PLD1: variants seen among roughly 807,000 people sequenced by gnomAD.
PLD1 encodes phospholipase D1, also known as choline phosphatase 1.
PLD1 carries 112 observed loss-of-function variants against 137.1 expected under a neutral mutation model. The observed-to-expected ratio is 0.82, with a 90% CI of 0.70 to 0.96. The LOEUF is 0.96. PLD1 is among the 40% of genes least tolerant of loss of function. The probability of loss-of-function intolerance (pLI) is 0.00; values close to 1 mark genes in which losing one functional copy is unlikely to be tolerated. For synonymous variants in PLD1, 431 were observed against 454.7 expected, an observed-to-expected ratio of 0.95 and a Z score of 0.66; for missense variants, 1,321 against 1,342.0, an observed-to-expected ratio of 0.98 and a Z score of 0.24.
At chr3:171,751,692 A>G (rs917526830) in intron 1 of PLD1, among the ~76,000 whole-genome samples, 2 of 152,254 alleles carry the variant, frequency 1.3e-5, no homozygotes, top group Non-Finnish European at 2.9e-5. Context: ...CTGTGAATTA[A>G]AATAACCTTT....
At chr3:171,649,871 TG>T (rs1211827811) in intron 21 of PLD1, among the ~76,000 whole-genome samples, 1 of 152,204 alleles carries the variant, frequency 6.6e-6, no homozygotes, top group East Asian at 1.9e-4. Flanking sequence ...AGCCAGTCAA[TG>T]GAATGATCAC....
chr3:171,755,723 C>A (rs1050927424), intron 1 of PLD1, among the ~76,000 whole-genome samples: 1 of 152,140 alleles, frequency 6.6e-6, no homozygotes, highest in African/African-American at 2.4e-5. Context: ...TGGGAGCTCC[C>A]TGAAGAGAGA....
At chr3:171,702,348 C>T (rs921308788) in intron 11 of PLD1, among the ~76,000 whole-genome samples, 1 of 152,026 alleles carries the variant, frequency 6.6e-6, no homozygotes, top group Non-Finnish European at 1.5e-5. Context: ...ATTAGCCAGA[C>T]ATGGTGGCTC....
At chr3:171,624,662 G>C (rs1308633046) in intron 23 of PLD1, among the ~76,000 whole-genome samples, 1 of 152,110 alleles carries the variant, frequency 6.6e-6, no homozygotes, top group Non-Finnish European at 1.5e-5. Context: ...ATAACACAGT[G>C]ATTGAATAAA....
chr3:171,785,120 C>G (rs1722954903), intron 1 of PLD1, among the ~76,000 whole-genome samples: 1 of 152,128 alleles, frequency 6.6e-6, no homozygotes, highest in Non-Finnish European at 1.5e-5. Flanking sequence ...GCCAAAGTAT[C>G]CTTTGAAATG....
At chr3:171,708,304 TGA>T (rs1716858346) in intron 11 of PLD1, among the ~76,000 whole-genome samples, 5 of 152,200 alleles carry the variant, frequency 3.3e-5, no homozygotes, top group African/African-American at 1.2e-4. Flanking sequence ...CTAGAACAGC[TGA>T]CCAGGCCTAG....
intron 23 of PLD1, among the ~76,000 whole-genome samples, chr3:171,630,773 C>T (rs1734590437): frequency 6.8e-6 from 1 of 146,724 alleles, no homozygotes; most frequent in South Asian, 2.1e-4. Context: ...AACAAAAAAC[C>T]AAACACCACA....
chr3:171,627,251 A>C (rs1734203457), intron 23 of PLD1, among the ~76,000 whole-genome samples: 1 of 152,198 alleles, frequency 6.6e-6, no homozygotes, highest in Non-Finnish European at 1.5e-5. Context: ...CAAAGATCAA[A>C]AGAGACAAAG....
chr3:171,712,391 C>G (rs114409681), intron 9 of PLD1, among the ~76,000 whole-genome samples: 1 of 152,148 alleles, frequency 6.6e-6, no homozygotes, highest in Admixed American at 6.5e-5. Flanking sequence ...CTCGGAAAAA[C>G]AGTTATGAGA....
intron 16 of PLD1, among the ~76,000 whole-genome samples, chr3:171,679,841 A>G (rs1207387089): frequency 6.6e-6 from 1 of 152,240 alleles, no homozygotes; most frequent in African/African-American, 2.4e-5. Flanking sequence ...AGTTCCTGTG[A>G]AAACAGTAGC....
intron 20 of PLD1, among the ~76,000 whole-genome samples, chr3:171,659,883 C>G (rs1737524914): frequency 6.6e-6 from 1 of 152,084 alleles, no homozygotes. Context: ...ATATATAAGC[C>G]AGTTAATAAA....
chr3:171,756,934 A>AT (rs773454680), intron 1 of PLD1, among the ~76,000 whole-genome samples: 170 of 152,314 alleles, frequency 1.1e-3, no homozygotes, highest in Non-Finnish European at 1.7e-3. Flanking sequence ...CCCAATAAAG[A>AT]TTTTTTTAAA....
intron 11 of PLD1, 43 bp from the exon 12 acceptor site, chr3:171,699,869 A>G (rs370551611): frequency 1.3e-6 from 2 of 1,487,446 alleles, no homozygotes; most frequent in Non-Finnish European, 1.9e-6. Context: ...AAAACAAAAT[A>G]TAAAGTTCTG....
chr3:171,627,266 C>T (rs1344188880), intron 23 of PLD1, among the ~76,000 whole-genome samples: 1 of 151,942 alleles, frequency 6.6e-6, no homozygotes, highest in East Asian at 1.9e-4. Flanking sequence ...ACAAAGAAGG[C>T]CATTACATAA....
At chr3:171,639,552 CATATAATATATATTAT>C (rs1410817517) in intron 23 of PLD1, among the ~76,000 whole-genome samples, 10,647 of 84,204 alleles carry the variant, frequency 0.13, 875 homozygotes, top group African/African-American at 0.16. Flanking sequence ...AATATATATT[CATATAATATATATTAT>C]ATATAATATA....
At position 171,715,371 on chromosome 3, in the gene PLD1, T is replaced by C. The variant is rs564453025; in HGVS notation, c.759-1326A>G. Among the ~76,000 whole-genome samples, 6 of 152,350 alleles carry C rather than the reference T, an allele frequency of 3.9e-5. No individual in the cohort carries two copies. The South Asian group carries it at 1.2e-3, about 32-fold the overall frequency. ...TGGTTACTATAGCTTTGTAATATAT[T>C]TTGAAGTCAGGTAGTGTAATGCCTC... On this transcript the variant is annotated intron_variant, in intron 8 of 26. Coordinates refer to ENST00000351298, the MANE Select transcript of PLD1 (RefSeq NM_002662.5).
intron 1 of PLD1, among the ~76,000 whole-genome samples, chr3:171,803,591 G>C (rs928692826): frequency 1.2e-4 from 19 of 152,152 alleles, no homozygotes; most frequent in African/African-American, 4.6e-4. Context: ...AAATAAGCCT[G>C]GCATGGTGGT....
At chr3:171,682,012 T>C (rs894540098) in intron 16 of PLD1, among the ~76,000 whole-genome samples, 11 of 152,202 alleles carry the variant, frequency 7.2e-5, no homozygotes, top group Admixed American at 5.9e-4. Flanking sequence ...GACAGGTTGA[T>C]GGGTGCAGCA....
chr3:171,789,249 A>T (rs1723129005), intron 1 of PLD1: 1 of 152,304 alleles, frequency 6.6e-6, no homozygotes, highest in African/African-American at 2.4e-5. Flanking sequence ...CTGGAACCAA[A>T]AAGCCCTGCA....
Sources: gnomAD v4.1 joint callset for allele counts (sites outside exome capture counted in the v4.1 genomes callset) on GRCh38, gnomAD v4.1.1 for gene constraint, MANE v1.5 for transcripts, NCBI Gene and HGNC (gene_info 2026-07-23, HGNC 2026-07-21) for gene names.